SHC3: variants seen among roughly 807,000 people sequenced by gnomAD.
The protein encoded by SHC3 is SHC adaptor protein 3.
SHC3 carries 15 observed loss-of-function variants against 60.4 expected under a neutral mutation model. That is an observed-to-expected ratio of 0.25 (90% CI 0.17 to 0.38). The LOEUF is 0.38. SHC3 is among the 10% of genes least tolerant of loss of function. SHC3 has a pLI of 1.00. For missense variants in SHC3, 677 were observed against 786.1 expected (o/e 0.86, Z 1.66); for synonymous variants, 294 against 325.9 (o/e 0.90, Z 1.05).
chr9:89,143,194 G>C (rs1440044122), intron 1 of SHC3, among the ~76,000 whole-genome samples: 1 of 152,056 alleles, frequency 6.6e-6, no homozygotes, highest in Non-Finnish European at 1.5e-5. Context: ...CTAAACAAGG[G>C]GTGGATTATT....
intron 1 of SHC3, among the ~76,000 whole-genome samples, chr9:89,127,111 T>C (rs554226169): frequency 6.0e-4 from 91 of 152,330 alleles, no homozygotes; most frequent in African/African-American, 2.0e-3. Context: ...GCTCAGTAGC[T>C]AAAGGTTTTC....
chr9:89,013,702 C>T, intron 11 of SHC3, 127 bp from the exon 12 acceptor site: 2 of 1,361,392 alleles, frequency 1.5e-6, no homozygotes, highest in Non-Finnish European at 2.0e-6. Flanking sequence ...CAAGGGGCTT[C>T]CACCACTTTA....
intron 1 of SHC3, among the ~76,000 whole-genome samples, chr9:89,115,781 A>T (rs1375452770): frequency 6.6e-6 from 1 of 152,188 alleles, no homozygotes; most frequent in East Asian, 1.9e-4. Flanking sequence ...GAGTTATATG[A>T]CCACCAGCAA....
At chr9:89,043,550 G>A (rs971625778) in intron 9 of SHC3, among the ~76,000 whole-genome samples, 7 of 152,170 alleles carry the variant, frequency 4.6e-5, no homozygotes, top group South Asian at 4.1e-4. Context: ...AGGAGGACAC[G>A]TGCCATCGTG....
At chr9:89,157,492 C>A (rs530151126) in intron 1 of SHC3, among the ~76,000 whole-genome samples, 1 of 152,344 alleles carries the variant, frequency 6.6e-6, no homozygotes, top group African/African-American at 2.4e-5. Flanking sequence ...GACTTCCGAC[C>A]TCCAGAATTG....
At chr9:89,079,454 A>C (rs933413473) in intron 2 of SHC3, among the ~76,000 whole-genome samples, 1 of 152,250 alleles carries the variant, frequency 6.6e-6, no homozygotes, top group African/African-American at 2.4e-5. Flanking sequence ...AAGATATTAC[A>C]TGCTGAAGTG....
chr9:89,038,393 C>T (rs1279480537), intron 10 of SHC3, 105 bp from the exon 11 acceptor site: 2 of 1,264,166 alleles, frequency 1.6e-6, no homozygotes, highest in Non-Finnish European at 2.1e-6. Flanking sequence ...GCAAAGGCAA[C>T]TCCTCCAGAA....
intron 1 of SHC3, among the ~76,000 whole-genome samples, chr9:89,147,131 C>T (rs934015904): frequency 4.6e-5 from 7 of 150,772 alleles, no homozygotes; most frequent in African/African-American, 1.7e-4. Flanking sequence ...AGAGCCTCAA[C>T]TGCATGCAAC....
rs1292827555 is a variant in SHC3, at chr9:89,054,727, G to A, written c.836-2564C>T. 2.0e-5 allele frequency among the ~76,000 whole-genome samples: 3 copies of A among 152,214 alleles called. No individual in the cohort carries two copies. In the East Asian group the frequency reaches 5.8e-4, roughly 29 times the overall value. On this transcript the variant is annotated intron_variant, in intron 6 of 11. Coordinates refer to ENST00000375835, the MANE Select transcript of SHC3 (RefSeq NM_016848.6). ...GCACAGAATCGAGATTCCAAATGACGCAAAATCTAAAACATAGCTCAATGT... is the reference window on the plus strand; with the variant it reads ...GCACAGAATCGAGATTCCAAATGACACAAAATCTAAAACATAGCTCAATGT...
At chr9:89,067,075 G>C (rs1287711638) in intron 5 of SHC3, among the ~76,000 whole-genome samples, 7 of 152,192 alleles carry the variant, frequency 4.6e-5, no homozygotes, top group African/African-American at 1.7e-4. Context: ...TTTCTGCTCA[G>C]GACACTGTTC....
At position 89,007,641 on chromosome 9, in the gene SHC3, C is replaced by T. The variant is rs1825959242; in HGVS notation, c.*5806G>A. The T allele has an allele frequency of 6.6e-6, 1 of 152,406 alleles. No individual in the cohort carries two copies. The highest frequency in any genetic ancestry group is 6.5e-5 in the Admixed American group (1 of 15,286). The allele number at this position is 152,406 out of a possible 1,614,324, so 9.4% of individuals were successfully genotyped here. ...TCCTCCACCACACCTTCCCTTTCTC[C>T]TCCTTCCCTGCTGGCCTCAGACAGC... On this transcript the variant is annotated 3_prime_UTR_variant, in exon 12 of 12. Transcript: ENST00000375835.
In SHC3 at chr9:89,178,273, C is replaced by G; in HGVS notation, c.188G>C (p.Ser63Thr). ...LRKAPDDGPGSLGHLLHKVSH... is the reference protein window; with the variant it reads ...LRKAPDDGPGTLGHLLHKVSH... ...CACCTTGTGGAGCAGGTGGCCCAGG[C>G]TGCCGGGCCCATCGTCGGGCGCCTT... The change falls in exon 1 of 12, where the codon AGC becomes ACC. Residue 63 changes from serine (S) to threonine (T), a missense_variant. Physicochemically the swap from Ser to Thr is moderately conservative, Grantham distance 58. Transcript: ENST00000375835. The surrounding 1 kb of genome is among the most constrained non-coding windows in gnomAD (Gnocchi z 6.9). 6.5e-7 allele frequency: 1 copy of G among 1,548,040 alleles called. No individual in the cohort carries two copies. The highest frequency in any genetic ancestry group is 8.7e-7 in the Non-Finnish European group (1 of 1,149,142).
At chr9:89,119,630 C>T (rs991095653) in intron 1 of SHC3, among the ~76,000 whole-genome samples, 1 of 151,944 alleles carries the variant, frequency 6.6e-6, no homozygotes, top group Admixed American at 6.6e-5. Flanking sequence ...TAAAAGAAAA[C>T]CTGCTTATGT....
At chr9:89,077,386 C>T (rs1212318326) in intron 3 of SHC3, among the ~76,000 whole-genome samples, 1 of 152,122 alleles carries the variant, frequency 6.6e-6, no homozygotes, top group African/African-American at 2.4e-5. Context: ...AAATTGAAAT[C>T]GGCCACAGCA....
At chr9:89,112,038 C>G (rs990500693) in intron 2 of SHC3, among the ~76,000 whole-genome samples, 3 of 152,134 alleles carry the variant, frequency 2.0e-5, no homozygotes, top group South Asian at 4.2e-4. Context: ...AGTTTTGATT[C>G]TACTTGGTGG....
At chr9:89,119,820 G>T (rs1428436345) in intron 1 of SHC3, among the ~76,000 whole-genome samples, 1 of 152,166 alleles carries the variant, frequency 6.6e-6, no homozygotes, top group Non-Finnish European at 1.5e-5. Context: ...AGAACACAAA[G>T]AAATTTCTGA....
chr9:89,165,315 G>A (rs1263554033), intron 1 of SHC3, among the ~76,000 whole-genome samples: 1 of 151,512 alleles, frequency 6.6e-6, no homozygotes, highest in Admixed American at 6.6e-5. Flanking sequence ...ATAAGTAGCA[G>A]ATCATTTTTG....
intron 6 of SHC3, among the ~76,000 whole-genome samples, chr9:89,057,712 C>T (rs1344688092): frequency 6.6e-6 from 1 of 151,944 alleles, no homozygotes; most frequent in Non-Finnish European, 1.5e-5. Context: ...AAGGCCCTGC[C>T]CTAGGATCTA....
rs1264381615 is a variant in SHC3, at chr9:89,006,842, A to T, written c.*6605T>A. 1 of 152,248 alleles carries T rather than the reference A, an allele frequency of 6.6e-6. No homozygotes were observed. Among genetic ancestry groups the T allele is most frequent in the Non-Finnish European group, 1.5e-5 (1 of 68,036 alleles). 9.4% of individuals were successfully genotyped at this position (152,248 alleles called of 1,614,324 possible). Reference sequence around the variant, plus strand: ...ACAAAATTAACCCCATTAATATTTAAAGACGGATTTATCCATTAATGCCTG... The same window carrying T: ...ACAAAATTAACCCCATTAATATTTATAGACGGATTTATCCATTAATGCCTG... On this transcript the variant is annotated 3_prime_UTR_variant, in exon 12 of 12. Coordinates refer to ENST00000375835, the MANE Select transcript of SHC3 (RefSeq NM_016848.6).
Sources: allele counts gnomAD v4.1 joint callset (sites outside exome capture counted in the v4.1 genomes callset), GRCh38; gene constraint gnomAD v4.1.1; non-coding constraint Gnocchi (gnomAD v3.1); transcripts MANE v1.5; gene names NCBI Gene and HGNC (gene_info 2026-07-23, HGNC 2026-07-21).